GIGYF1: variants seen among roughly 807,000 people sequenced by gnomAD.
GIGYF1 encodes GRB10 interacting GYF protein 1.
In GIGYF1, 84 loss-of-function variants were observed where a neutral mutation model predicts 147.1. The observed-to-expected ratio is 0.57, with a 90% CI of 0.48 to 0.68. The LOEUF (loss-of-function observed/expected upper bound fraction) is 0.68, where lower values mean the gene tolerates loss of function less well. Among genes scored for constraint, GIGYF1 ranks in the 30% least tolerant of loss-of-function variants. The pLI is 0.00. For missense variants in GIGYF1, 1,485 were observed against 1,393.7 expected (o/e 1.07, Z -1.04); for synonymous variants, 752 against 589.5 (o/e 1.28, Z -3.99).
rs1230572132 is a variant in GIGYF1 at position 100,684,871 on chromosome 7, G to T, written c.1314C>A (p.Ser438=). 1.9e-6 allele frequency: 3 copies of T among 1,604,740 alleles called. No individual in the cohort carries two copies. Among genetic ancestry groups the T allele is most frequent in the Non-Finnish European group, 2.6e-6 (3 of 1,174,892 alleles). The part of the protein sequence containing the change: ...LQQEAEKLVA[S]LQDSSLEEEQ... ...CCTCCTCCAAGGAGCTGTCCTGCAG[G>T]GAGGCCACCAGCTTCTCCGCCTCCT... Residue 438 remains serine, a synonymous_variant, in exon 15 of 27, where the codon TCC becomes TCA. Coordinates refer to ENST00000678049, the MANE Select transcript of GIGYF1 (RefSeq NM_001375765.1).
Position 100,683,341 on chromosome 7 carries a change from C to CGCTTCT in GIGYF1, c.2150_2155dup (p.Gln717_Lys718dup), listed in dbSNP as rs1408939291. 1 of 1,613,696 alleles carries CGCTTCT rather than the reference C, an allele frequency of 6.2e-7. No homozygotes were observed. The highest frequency in any genetic ancestry group is 1.3e-5 in the African/African-American group (1 of 74,946). Reference sequence around the variant, plus strand: ...AAACAGCTCTTCCTCCTCCTGCCGCCGCTTCTGCTCCTCCTGCTGCTGCTG... The same window carrying CGCTTCT: ...AAACAGCTCTTCCTCCTCCTGCCGCCGCTTCTGCTTCTGCTCCTCCTGCTGCTGCTG... On this transcript the variant is annotated inframe_insertion, in exon 21 of 27. Coordinates refer to ENST00000678049, the MANE Select transcript of GIGYF1 (RefSeq NM_001375765.1).
rs200678917 is a variant in GIGYF1 at position 100,685,314 on chromosome 7, C to T, written c.1192+30G>A. On this transcript the variant is annotated intron_variant, in intron 13 of 26. Coordinates refer to ENST00000678049, the MANE Select transcript of GIGYF1 (RefSeq NM_001375765.1). ...CACTTTCTCCCACAGCCCCAGCGCA[C>T]CCGGGAGGTAGGCCATCCTCCCTTC... The T allele has an allele frequency of 2.9e-5, 46 of 1,566,510 alleles. No individual in the cohort carries two copies. In the South Asian group the frequency reaches 3.4e-4, roughly 12 times the overall value.
rs955322158 is a variant in GIGYF1 at position 100,688,584 on chromosome 7, G to C, written c.-135+8C>G. On this transcript the variant is annotated splice_region_variant and intron_variant, in intron 2 of 26. Transcript: ENST00000678049. ...CAGCAGGGCAACCACCCTTGGCCCG[G>C]GGCTCACCTGGCAGCCTGGCCCGGG... 3.7e-6 allele frequency: 2 copies of C among 546,258 alleles called. No individual in the cohort carries two copies. The highest frequency in any genetic ancestry group is 3.7e-5 in the African/African-American group (2 of 53,364). The allele number at this position is 546,258 out of a possible 1,614,324, so 33.8% of individuals were successfully genotyped here.
chr7:100,684,331 T>G lies in GIGYF1; in HGVS notation c.1636A>C (p.Met546Leu), dbSNP rs746104166. The change falls in exon 17 of 27, where the codon ATG (methionine) becomes CTG (leucine). Residue 546 changes from methionine (M) to leucine (L), a missense_variant. Met to Leu is a conservative substitution (Grantham distance 15, BLOSUM62 2). Coordinates refer to ENST00000678049, the MANE Select transcript of GIGYF1 (RefSeq NM_001375765.1). ...GPSPPPLLGN[M>L]DQERLKKQQE... The stretch of plus-strand genomic sequence containing the variant: ...TGCTTCTTCAGCCGCTCCTGGTCCA[T>G]GTTTCCCTGCTCAGGTGAGAGCTCG... 2.5e-6 allele frequency: 4 copies of G among 1,596,884 alleles called. No homozygotes were observed. Among genetic ancestry groups the G allele is most frequent in the East Asian group, 4.5e-5 (2 of 44,054 alleles).
In GIGYF1 at chr7:100,683,096, C is replaced by T. The variant is rs1188791068; in HGVS notation, c.2328G>A (p.Glu776=). 1.3e-6 allele frequency: 2 copies of T among 1,590,520 alleles called. No individual in the cohort carries two copies. The highest frequency in any genetic ancestry group is 2.3e-5 in the East Asian group (1 of 44,340). ...GCTGCCGCTCGCCCTCCAGCTGCAA[C>T]TCCAGGAGCGTCTTCATGGACAGCC... ...KQGLSMKTLL[E]LQLEGERQLH... Residue 776 remains glutamate, a synonymous_variant, in exon 22 of 27, where the codon GAG becomes GAA. Coordinates refer to ENST00000678049, the MANE Select transcript of GIGYF1 (RefSeq NM_001375765.1).
At chr7:100,687,237 G>T (rs1805443644) in intron 8 of GIGYF1, 61 bp downstream of exon 8, 2 of 1,526,108 alleles carry the variant, frequency 1.3e-6, no homozygotes, top group Non-Finnish European at 1.8e-6. Context: ...TCTAGCGACA[G>T]GGCCCAGGCC....
At chr7:100,685,579 T>C (rs1045945291) in intron 12 of GIGYF1, 98 bp from the exon 13 acceptor site, 3 of 1,355,442 alleles carry the variant, frequency 2.2e-6, no homozygotes, top group Admixed American at 4.9e-5. Context: ...CGGGTCACAC[T>C]CCCTTAGGCC....
At chr7:100,686,958 T>A in intron 9 of GIGYF1, 48 bp downstream of exon 9, 1 of 1,610,594 alleles carries the variant, frequency 6.2e-7, no homozygotes. Context: ...GGGCCACCCA[T>A]CTTGGTCCTC....
At chr7:100,686,583 C>T in intron 10 of GIGYF1, 66 bp downstream of exon 10, 1 of 1,543,514 alleles carries the variant, frequency 6.5e-7, no homozygotes, top group Non-Finnish European at 8.7e-7. Context: ...GCTACAGGAG[C>T]CCACCCTCTC....
At position 100,686,730 on chromosome 7, in the gene GIGYF1, G is replaced by C. The variant is rs200894595; in HGVS notation, c.613C>G (p.Gln205Glu). The C allele has an allele frequency of 3.8e-5, 61 of 1,613,742 alleles. No homozygotes were observed. In the East Asian group the frequency reaches 5.4e-4, roughly 14 times the overall value. ...SENWRSLREEQEEEEEGSWRL... is the reference protein window; with the variant it reads ...SENWRSLREEEEEEEEGSWRL... ...CAGCTGCCCTCCTCCTCCTCCTCCT[G>C]TTCCTCCCGTAGGGAGCGCCAGTTC... Residue 205 changes from glutamine (Q) to glutamate (E), a missense_variant, in exon 10 of 27, where the codon CAG becomes GAG. Coordinates refer to ENST00000678049, the MANE Select transcript of GIGYF1 (RefSeq NM_001375765.1).
intron 1 of GIGYF1, among the ~76,000 whole-genome samples, chr7:100,690,652 G>C (rs1334117693): frequency 6.6e-6 from 1 of 151,874 alleles, no homozygotes; most frequent in Non-Finnish European, 1.5e-5. Flanking sequence ...CCTGGTGGTA[G>C]GTGCCTCTAA....
At chr7:100,692,846 T>C (rs1395775282) in intron 1 of GIGYF1, among the ~76,000 whole-genome samples, 1 of 151,716 alleles carries the variant, frequency 6.6e-6, no homozygotes, top group Non-Finnish European at 1.5e-5. Flanking sequence ...TCTAAGAAAA[T>C]CAGATTGGAG....
In GIGYF1 at chr7:100,681,888, G is replaced by C. The variant is rs753522672; in HGVS notation, c.3031C>G (p.Leu1011Val). Residue 1011 changes from leucine (L) to valine (V), a missense_variant, in exon 26 of 27, where the codon CTG (leucine) becomes GTG (valine). Transcript: ENST00000678049. Reference protein sequence around the residue: ...GSKAKRRALMLHSDPSILGYS... With the variant: ...GSKAKRRALMVHSDPSILGYS... ...CCCAGGATGCTGGGGTCTGAGTGCA[G>C]CATCAGTGCCCGCCTCTTGGCCTTG... 11 of 1,612,258 alleles carry C rather than the reference G, an allele frequency of 6.8e-6. No homozygotes were observed. The highest frequency in any genetic ancestry group is 1.7e-5 in the Admixed American group (1 of 60,022).
At position 100,684,628 on chromosome 7, in the gene GIGYF1, G is replaced by A. The variant is rs745444281; in HGVS notation, c.1463-12C>T. The A allele has an allele frequency of 6.1e-5, 98 of 1,613,890 alleles. No individual in the cohort carries two copies. Among genetic ancestry groups the A allele is most frequent in the Non-Finnish European group, 8.1e-5 (96 of 1,179,954 alleles). ...TGTCGTGAAGGGGCCTGGACAGGGA[G>A]CGAGGGAGCGGGAGAACCACTGGGG... On this transcript the variant is annotated splice_polypyrimidine_tract_variant and intron_variant, in intron 15 of 26. Transcript: ENST00000678049.
At position 100,686,793 on chromosome 7, in the gene GIGYF1, C is replaced by A. The variant is rs375686770; in HGVS notation, c.550G>T (p.Ala184Ser). The part of the protein sequence containing the change: ...GARCGFEEGG[A>S]GPRKEHARSD... Reference sequence around the variant, plus strand: ...CGGGCGTGCTCCTTCCTTGGGCCAGCCCCTCCCTCCTCAAAGCCACATCGT... The same window carrying A: ...CGGGCGTGCTCCTTCCTTGGGCCAGACCCTCCCTCCTCAAAGCCACATCGT... The change falls in exon 10 of 27, where the codon GCT (alanine) becomes TCT (serine). Residue 184 changes from alanine to serine, a missense_variant. Coordinates refer to ENST00000678049, the MANE Select transcript of GIGYF1 (RefSeq NM_001375765.1). 1 of 1,613,906 alleles carries A rather than the reference C, an allele frequency of 6.2e-7. No homozygotes were observed. The highest frequency in any genetic ancestry group is 1.7e-5 in the Admixed American group (1 of 59,996).
At chr7:100,685,276 C>G (rs965977023) in intron 13 of GIGYF1, 68 bp downstream of exon 13, 14 of 1,539,142 alleles carry the variant, frequency 9.1e-6, no homozygotes, top group South Asian at 2.5e-5. Flanking sequence ...TGCCCACCCC[C>G]ACGAGTGGGG....
rs1805580139 is a variant in GIGYF1, at chr7:100,688,395, CACA to C, written c.-70+53_-70+55del. On this transcript the variant is annotated intron_variant, in intron 3 of 26. Coordinates refer to ENST00000678049, the MANE Select transcript of GIGYF1 (RefSeq NM_001375765.1). ...ACACCATGGGGGACATCCTAGTGGGCACAACAATGGGCCCCGGACTAGCTGGTG... is the reference window on the plus strand; with the variant it reads ...ACACCATGGGGGACATCCTAGTGGGCACAATGGGCCCCGGACTAGCTGGTG... 1.4e-5 allele frequency: 10 copies of C among 733,258 alleles called. No homozygotes were observed. The Admixed American group carries it at 2.1e-4, about 15-fold the overall frequency. 45.4% of individuals were successfully genotyped at this position (733,258 alleles called of 1,614,324 possible). A position where few individuals can be genotyped will look rare whatever the true frequency, so the allele number is the denominator to read the frequency against.
chr7:100,682,949 TC>T, intron 22 of GIGYF1, 62 bp downstream of exon 22: 1 of 1,360,994 alleles, frequency 7.3e-7, no homozygotes, highest in East Asian at 2.5e-5. Context: ...GGGTTCAGTA[TC>T]CCCCTCCCTG....
intron 1 of GIGYF1, among the ~76,000 whole-genome samples, chr7:100,690,636 G>C (rs2131400359): frequency 6.6e-6 from 1 of 152,174 alleles, no homozygotes; most frequent in African/African-American, 2.4e-5. Flanking sequence ...ACAAAAATTA[G>C]CCAGTCCTGG....
Sources: gnomAD v4.1 joint callset for allele counts (sites outside exome capture counted in the v4.1 genomes callset) on GRCh38, gnomAD v4.1.1 for gene constraint, MANE v1.5 for transcripts, NCBI Gene and HGNC (gene_info 2026-07-23, HGNC 2026-07-21) for gene names.